The following GPATCH2L variants were observed in gnomAD, a reference collection of about 807,000 sequenced individuals.
GPATCH2L encodes the protein G-patch domain containing 2 like.
In GPATCH2L, 31 loss-of-function variants were observed where a neutral mutation model predicts 57.4. That is an observed-to-expected ratio of 0.54 (90% CI 0.41 to 0.73). GPATCH2L has a LOEUF of 0.73. GPATCH2L is among the 30% of genes least tolerant of loss of function. GPATCH2L has a pLI of 0.00. For synonymous variants in GPATCH2L, 199 were observed against 210.7 expected, an observed-to-expected ratio of 0.94 and a Z score of 0.48; for missense variants, 481 against 599.9, an observed-to-expected ratio of 0.80 and a Z score of 2.07.
chr14:76,209,727 C>T lies in GPATCH2L; in HGVS notation c.*7876C>T, dbSNP rs1423878839. The stretch of plus-strand genomic sequence containing the variant: ...TTTATCAAAGAACTTTTTATTGGGG[C>T]ATCAGCACTAGCCCTATGAATACAG... On this transcript the variant is annotated 3_prime_UTR_variant, in exon 10 of 10. Transcript: ENST00000261530. 6.6e-6 allele frequency: 1 copy of T among 152,180 alleles called. No homozygotes were observed. Among genetic ancestry groups the T allele is most frequent in the Non-Finnish European group, 1.5e-5 (1 of 68,044 alleles). The allele number at this position is 152,180 out of a possible 1,614,324, so 9.4% of individuals were successfully genotyped here.
intron 2 of GPATCH2L, among the ~76,000 whole-genome samples, chr14:76,159,887 C>G (rs2038492940): frequency 6.6e-6 from 1 of 152,140 alleles, no homozygotes; most frequent in Admixed American, 6.5e-5. Context: ...AATCCCGGCA[C>G]TTTGGGAGGC....
chr14:76,215,056 A>T (rs932248255), downstream of GPATCH2L, among the ~76,000 whole-genome samples: 29 of 152,282 alleles, frequency 1.9e-4, no homozygotes, highest in African/African-American at 6.3e-4. Flanking sequence ...AAAACAAACA[A>T]AAAAACCAAA....
chr14:76,232,747 A>G (rs957876445), intron 2 of GPATCH2L, among the ~76,000 whole-genome samples: 3 of 152,152 alleles, frequency 2.0e-5, no homozygotes, highest in African/African-American at 7.2e-5. Flanking sequence ...TCCTTTACCC[A>G]TGGAGTCCTG....
intron 2 of GPATCH2L, 61 bp from the exon 3 acceptor site, chr14:76,166,602 G>A (rs1392005538): frequency 4.5e-6 from 5 of 1,120,220 alleles, no homozygotes; most frequent in African/African-American, 3.0e-5. Flanking sequence ...CAAAATAAGT[G>A]TACAGTGCTT....
downstream of GPATCH2L, among the ~76,000 whole-genome samples, chr14:76,216,329 T>C (rs1250741506): frequency 6.6e-6 from 1 of 152,176 alleles, no homozygotes; most frequent in Non-Finnish European, 1.5e-5. Flanking sequence ...TGCAAAATAC[T>C]GCATGAGGAA....
At chr14:76,188,975 A>G (rs1483686727) in intron 8 of GPATCH2L, among the ~76,000 whole-genome samples, 2 of 151,880 alleles carry the variant, frequency 1.3e-5, no homozygotes, top group Non-Finnish European at 2.9e-5. Flanking sequence ...TTTCCCCAGT[A>G]TATGTTCTTG....
chr14:76,180,032 A>C (rs991043327), intron 7 of GPATCH2L: 5 of 148,420 alleles, frequency 3.4e-5, no homozygotes, highest in African/African-American at 1.2e-4. Context: ...TAAAAATACA[A>C]AAAAAAAAAA....
intron 3 of GPATCH2L, among the ~76,000 whole-genome samples, chr14:76,171,171 G>A (rs917819003): frequency 6.6e-6 from 1 of 151,932 alleles, no homozygotes; most frequent in African/African-American, 2.4e-5. Context: ...TAATCAGCCT[G>A]TAATTCCAGC....
At position 76,211,912 on chromosome 14, in the gene GPATCH2L, T is replaced by C. The variant is rs2040444379; in HGVS notation, c.*10061T>C. On this transcript the variant is annotated 3_prime_UTR_variant, in exon 10 of 10. Transcript: ENST00000261530. The stretch of plus-strand genomic sequence containing the variant: ...ACATTTTTCCTGAACAGCTTCTGAC[T>C]GACCAGCATTTTAAATTAGGCGATG... The C allele has an allele frequency of 6.6e-6, 1 of 152,194 alleles. No individual in the cohort carries two copies. Among genetic ancestry groups the C allele is most frequent in the Admixed American group, 6.5e-5 (1 of 15,272 alleles). The allele number at this position is 152,194 out of a possible 1,614,324, so 9.4% of individuals were successfully genotyped here.
downstream of GPATCH2L, among the ~76,000 whole-genome samples, chr14:76,214,618 T>A (rs933066888): frequency 6.6e-6 from 1 of 152,088 alleles, no homozygotes. Context: ...CTCTCTGGGG[T>A]CTCTTTTATA....
chr14:76,225,643 T>C (rs1418503080), intron 1 of GPATCH2L, among the ~76,000 whole-genome samples: 1 of 152,186 alleles, frequency 6.6e-6, no homozygotes, highest in African/African-American at 2.4e-5. Context: ...AAATGTTCTA[T>C]TTATCAAAAG....
intron 2 of GPATCH2L, among the ~76,000 whole-genome samples, chr14:76,231,785 A>G (rs963142544): frequency 3.9e-5 from 6 of 152,216 alleles, no homozygotes; most frequent in African/African-American, 1.4e-4. Flanking sequence ...GCATTTTGTT[A>G]TAATTTCTGT....
At position 76,156,114 on chromosome 14, in the gene GPATCH2L, G is replaced by A. The variant is rs560600140; in HGVS notation, c.662+1089G>A. ...CAGAAGGGAAGTTGAGGTTATAAGA[G>A]CTTAGATAATTTGCCTAAGATCACC... On this transcript the variant is annotated intron_variant, in intron 2 of 9. Transcript: ENST00000261530. Among the ~76,000 whole-genome samples, 3 of 152,334 alleles carry A rather than the reference G, an allele frequency of 2.0e-5. No individual in the cohort carries two copies. The South Asian group carries it at 6.2e-4, about 32-fold the overall frequency.
At chr14:76,180,355 G>A (rs58663838) in intron 7 of GPATCH2L, among the ~76,000 whole-genome samples, 12,006 of 152,160 alleles carry the variant, frequency 0.079, 666 homozygotes, top group Middle Eastern at 0.21. Context: ...TGTGTCAACC[G>A]GTTATTCTTG....
chr14:76,173,406 C>A, intron 4 of GPATCH2L, 140 bp from the exon 5 acceptor site: 1 of 575,936 alleles, frequency 1.7e-6, no homozygotes, highest in South Asian at 2.6e-5. Context: ...AATAATAAAT[C>A]CTTGGCAAAT....
At chr14:76,216,703 A>G (rs1391845114), downstream of GPATCH2L, among the ~76,000 whole-genome samples, 1 of 152,122 alleles carries the variant, frequency 6.6e-6, no homozygotes, top group Non-Finnish European at 1.5e-5. Flanking sequence ...GTTCATTTGG[A>G]AGAACAAATG....
Position 76,155,019 on chromosome 14 carries a change from C to T in GPATCH2L, c.656C>T (p.Ser219Leu). The T allele has an allele frequency of 1.2e-6, 2 of 1,607,290 alleles. No homozygotes were observed. The highest frequency in any genetic ancestry group is 1.7e-6 in the Non-Finnish European group (2 of 1,177,368). ...AAACAGGGCTCTGATGAGAACATGT[C>T]AGAATGGTGAGATCTCCCTTACTAA... The part of the protein sequence containing the change: ...EQKQGSDENM[S>L]ECETSSVCSS... Residue 219 changes from serine to leucine, a missense_variant, in exon 2 of 10, where the codon TCA becomes TTA. Physicochemically the swap from Ser to Leu is moderately radical, Grantham distance 145. Around this residue, in one of 3 missense-constraint regions of GPATCH2L, gnomAD observed 208 missense variants for 272.4 expected, o/e 0.76. Coordinates refer to ENST00000261530, the MANE Select transcript of GPATCH2L (RefSeq NM_017926.4).
chr14:76,184,922 T>C (rs2039708855), intron 8 of GPATCH2L, among the ~76,000 whole-genome samples: 1 of 152,200 alleles, frequency 6.6e-6, no homozygotes, highest in South Asian at 2.1e-4. Context: ...CCTAAATGCA[T>C]ATGGTTTTGT....
intron 8 of GPATCH2L, among the ~76,000 whole-genome samples, chr14:76,184,023 G>GGGGT (rs1321748835): frequency 0.083 from 491 of 5,926 alleles, 1 homozygote; most frequent in Middle Eastern, 0.5. Flanking sequence ...TCATTAGCAT[G>GGGGT]GTGTGTGTGT....
Sources: gnomAD v4.1 joint callset for allele counts (sites outside exome capture counted in the v4.1 genomes callset) on GRCh38, gnomAD v4.1.1 for gene constraint, gnomAD v4.1.1 regional missense constraint, MANE v1.5 for transcripts, NCBI Gene and HGNC (gene_info 2026-07-23, HGNC 2026-07-21) for gene names.